The following RTTN variants were observed in gnomAD, a reference collection of about 807,000 sequenced individuals.
RTTN encodes rotatin.
In RTTN, 182 loss-of-function variants were observed where a neutral mutation model predicts 269.2. The observed-to-expected ratio is 0.68, with a 90% CI of 0.60 to 0.76. The LOEUF (loss-of-function observed/expected upper bound fraction) is 0.76. RTTN is among the 30% of genes least tolerant of loss of function. The pLI is 0.00. For missense variants in RTTN, 2,545 were observed against 2,608.6 expected (o/e 0.98, Z 0.53); for synonymous variants, 1,006 against 963.5 (o/e 1.04, Z -0.82).
At chr18:70,122,001 G>A (rs2059750024) in intron 25 of RTTN, among the ~76,000 whole-genome samples, 1 of 152,130 alleles carries the variant, frequency 6.6e-6, no homozygotes, top group Non-Finnish European at 1.5e-5. Flanking sequence ...GAAAAACACT[G>A]ACTCTAATAA....
chr18:70,024,928 C>G, intron 43 of RTTN, 80 bp from the exon 44 acceptor site: 1 of 1,496,858 alleles, frequency 6.7e-7, no homozygotes, highest in Non-Finnish European at 9.1e-7. Flanking sequence ...CAACAGAAAG[C>G]CATCAACATA....
At chr18:70,061,345 T>C in intron 35 of RTTN, 1 of 456,258 alleles carries the variant, frequency 2.2e-6, no homozygotes, top group Non-Finnish European at 4.4e-6. Context: ...AGGTTCATCT[T>C]GTTCTTTCCT....
intron 43 of RTTN, among the ~76,000 whole-genome samples, chr18:70,025,665 C>A (rs2056833559): frequency 6.6e-6 from 1 of 152,208 alleles, no homozygotes; most frequent in Non-Finnish European, 1.5e-5. Flanking sequence ...GGCACACGGC[C>A]CTCCATCTGC....
In RTTN at chr18:70,086,684, C is replaced by T; in HGVS notation, c.4303G>A (p.Ala1435Thr). Residue 1435 changes from alanine to threonine, a missense_variant and splice_region_variant, in exon 32 of 49, where the codon GCG (alanine) becomes ACG (threonine). By Grantham distance (58) the Ala-to-Thr change is moderately conservative (BLOSUM62 0). Transcript: ENST00000640769. ...QSECSMVRREAAFILQNLLVI... is the reference protein window; with the variant it reads ...QSECSMVRRETAFILQNLLVI... ...AGGAGATTCTGAAGAATAAATGCCGCCTGAAAATGTAAAAAAAAAAAAAAA... is the reference window on the plus strand; with the variant it reads ...AGGAGATTCTGAAGAATAAATGCCGTCTGAAAATGTAAAAAAAAAAAAAAA... 2 of 430,590 alleles carry T rather than the reference C, an allele frequency of 4.6e-6. No individual in the cohort carries two copies. The highest frequency in any genetic ancestry group is 5.4e-5 in the East Asian group (1 of 18,608). 26.7% of individuals were successfully genotyped at this position (430,590 alleles called of 1,614,324 possible).
At position 70,143,640 on chromosome 18, in the gene RTTN, C is replaced by T. The variant is rs112273440; in HGVS notation, c.2482-1253G>A. ...GGGAGAGGATCTGAAAAATAACTAT[C>T]GGGTACTAGGCTTAGTACCAGGGTG... On this transcript the variant is annotated intron_variant, in intron 18 of 48. Transcript: ENST00000640769. Among the ~76,000 whole-genome samples, 767 of 152,086 alleles carry T rather than the reference C, an allele frequency of 5.0e-3. 6 individuals carry two copies. Among genetic ancestry groups the T allele is most frequent in the African/African-American group, 0.018 (727 of 41,496 alleles).
chr18:70,169,006 G>C lies in RTTN; in HGVS notation c.1538C>G (p.Pro513Arg). ...TALFLLSLDM[P>R]ISLEYPNIHE... Reference sequence around the variant, plus strand: ...AATATTTGGATATTCCAAAGAAATAGGCATGTCCAAAGAAAGGAGAAATAA... The same window carrying C: ...AATATTTGGATATTCCAAAGAAATACGCATGTCCAAAGAAAGGAGAAATAA... The change falls in exon 12 of 49, where the codon CCT becomes CGT. Residue 513 changes from proline (P) to arginine (R), a missense_variant. Pro to Arg is a moderately radical substitution (Grantham distance 103). Coordinates refer to ENST00000640769, the MANE Select transcript of RTTN (RefSeq NM_173630.4). 1 of 1,612,662 alleles carries C rather than the reference G, an allele frequency of 6.2e-7. No homozygotes were observed. The highest frequency in any genetic ancestry group is 2.2e-5 in the East Asian group (1 of 44,770).
At chr18:70,057,636 T>G (rs781032454) in intron 37 of RTTN, 106 bp downstream of exon 37, 1 of 754,464 alleles carries the variant, frequency 1.3e-6, no homozygotes, top group Non-Finnish European at 2.3e-6. Flanking sequence ...ACCATGTATA[T>G]TTTGAGAGGT....
At chr18:70,034,543 A>G (rs1181373843) in intron 40 of RTTN, among the ~76,000 whole-genome samples, 3 of 152,242 alleles carry the variant, frequency 2.0e-5, no homozygotes, top group African/African-American at 7.2e-5. Context: ...AGTAACATAT[A>G]TTAAAATAAC....
rs369853225 is a variant in RTTN, at chr18:70,125,152, C to T, written c.3383+2350G>A. 5.9e-5 allele frequency among the ~76,000 whole-genome samples: 9 copies of T among 152,016 alleles called. No homozygotes were observed. In the South Asian group the frequency reaches 1.0e-3, roughly 17 times the overall value. Reference sequence around the variant, plus strand: ...AAGTTATGTTTAGAAGCCACAGTACCGTAAGTAAAAAGATTTTAGAAACCA... The same window carrying T: ...AAGTTATGTTTAGAAGCCACAGTACTGTAAGTAAAAAGATTTTAGAAACCA... On this transcript the variant is annotated intron_variant, in intron 25 of 48. Transcript: ENST00000640769.
At chr18:70,030,215 A>T in intron 41 of RTTN, 106 bp from the exon 42 acceptor site, 1 of 716,022 alleles carries the variant, frequency 1.4e-6, no homozygotes, top group Non-Finnish European at 2.2e-6. Flanking sequence ...TCTATTTCTG[A>T]CCCACTTCAT....
chr18:70,030,822 A>G, intron 41 of RTTN, 54 bp downstream of exon 41: 1 of 1,312,906 alleles, frequency 7.6e-7, no homozygotes, highest in Non-Finnish European at 1.1e-6. Context: ...AACAAGCAAC[A>G]AAACATATGA....
intron 40 of RTTN, among the ~76,000 whole-genome samples, chr18:70,035,038 C>A (rs769561989): frequency 2.0e-5 from 3 of 152,054 alleles, no homozygotes; most frequent in African/African-American, 4.8e-5. Flanking sequence ...AGGAGAAATA[C>A]AAAACACTGC....
At chr18:70,195,411 G>T (rs1186192919) in intron 7 of RTTN, among the ~76,000 whole-genome samples, 1 of 152,066 alleles carries the variant, frequency 6.6e-6, no homozygotes, top group Non-Finnish European at 1.5e-5. Context: ...AAGCAAACTT[G>T]ATTGTTTATC....
intron 32 of RTTN, among the ~76,000 whole-genome samples, chr18:70,077,889 T>C (rs1315935041): frequency 6.6e-6 from 1 of 151,588 alleles, no homozygotes; most frequent in Non-Finnish European, 1.5e-5. Flanking sequence ...TGCAAAAAGG[T>C]TTAAGATATA....
intron 46 of RTTN, chr18:70,007,418 C>T (rs1942754896): frequency 6.6e-6 from 1 of 152,218 alleles, no homozygotes; most frequent in Non-Finnish European, 1.5e-5. Flanking sequence ...GTTGTTCAGT[C>T]CCCTGGAAAG....
Position 70,109,624 on chromosome 18 carries a change from G to C in RTTN, c.3777C>G (p.Gly1259=), listed in dbSNP as rs1181522237. 3 of 1,613,962 alleles carry C rather than the reference G, an allele frequency of 1.9e-6. No individual in the cohort carries two copies. In the Admixed American group the frequency reaches 5.0e-5, roughly 27 times the overall value. The change falls in exon 28 of 49, where the codon GGC becomes GGG. Residue 1259 remains glycine, a synonymous_variant. Coordinates refer to ENST00000640769, the MANE Select transcript of RTTN (RefSeq NM_173630.4). ...LKVTDAPHFY[G]LPSLERTLRG... is the part of the protein sequence containing the mutation. ...GTAAGGTCCGCTCAAGGGACGGCAG[G>C]CCATAGAAATGAGGCGCATCCGTCA...
At chr18:70,170,219 A>G (rs1294185823) in intron 11 of RTTN, among the ~76,000 whole-genome samples, 1 of 152,180 alleles carries the variant, frequency 6.6e-6, no homozygotes, top group African/African-American at 2.4e-5. Flanking sequence ...AGGCCTTACT[A>G]TGTTCCTCCA....
In RTTN at chr18:70,190,524, C is replaced by T. The variant is rs201132700; in HGVS notation, c.1189+14G>A. ...ACAAATTATATCAGAATTACGATTT[C>T]TAAAACAACTAACCTGTTCTTAAGA... On this transcript the variant is annotated intron_variant, in intron 9 of 48. Transcript: ENST00000640769. 1.3e-4 allele frequency: 201 copies of T among 1,579,124 alleles called. No homozygotes were observed. The highest frequency in any genetic ancestry group is 2.6e-4 in the African/African-American group (19 of 74,312).
In RTTN at chr18:70,119,169, T is replaced by C. The variant is rs762808999; in HGVS notation, c.3528+2387A>G. ...TCCCTCTATGCTGATGATATAATCT[T>C]AAATCTAGAAAAACCTAGACTCCAC... On this transcript the variant is annotated intron_variant, in intron 26 of 48. Transcript: ENST00000640769. Among the ~76,000 whole-genome samples, 4 of 152,058 alleles carry C rather than the reference T, an allele frequency of 2.6e-5. No individual in the cohort carries two copies. In the South Asian group the frequency reaches 8.3e-4, roughly 31 times the overall value.
Sources: gnomAD v4.1 joint callset for allele counts (sites outside exome capture counted in the v4.1 genomes callset) on GRCh38, gnomAD v4.1.1 for gene constraint, MANE v1.5 for transcripts, NCBI Gene and HGNC (gene_info 2026-07-23, HGNC 2026-07-21) for gene names.